Variants in ARHGEF9 observed in about 807,000 individuals in gnomAD.
ARHGEF9 encodes the protein rho guanine nucleotide exchange factor 9.
Under a neutral mutation model 41.3 loss-of-function variants are expected in ARHGEF9, and 2 were observed. That is an observed-to-expected ratio of 0.05 (90% CI 0.02 to 0.15). The LOEUF (loss-of-function observed/expected upper bound fraction) is 0.15, where lower values mean the gene tolerates loss of function less well. ARHGEF9 is among the 10% of genes least tolerant of loss of function. The pLI, the probability that ARHGEF9 is intolerant of heterozygous loss-of-function variation, is 1.00. For missense variants in ARHGEF9, 225 were observed against 424.7 expected (o/e 0.53, Z 4.13); for synonymous variants, 160 against 154.4 (o/e 1.04, Z -0.27).
At chrX:63,770,837 A>G (rs1490961338) in intron 1 of ARHGEF9, among the ~76,000 whole-genome samples, 1 of 112,236 alleles carries the variant, frequency 8.9e-6, no homozygotes, top group African/African-American at 3.2e-5. Context: ...ATACAATGTA[A>G]CTTGCTCCTC....
intron 1 of ARHGEF9, among the ~76,000 whole-genome samples, chrX:63,743,872 G>A (rs144711662): frequency 0.01 from 1,138 of 111,936 alleles, 9 homozygotes; most frequent in African/African-American, 0.035. Context: ...GACTGCATGG[G>A]AAATGGAGCT....
chrX:63,753,374 T>G (rs1219787258), intron 1 of ARHGEF9, among the ~76,000 whole-genome samples: 1 of 111,831 alleles, frequency 8.9e-6, no homozygotes, highest in Non-Finnish European at 1.9e-5. Flanking sequence ...GATCTTAAAG[T>G]AACAAACGGG....
In ARHGEF9 at chrX:63,733,336, G is replaced by T. The variant is rs185059552; in HGVS notation, c.31-8625C>A. 1.7e-3 allele frequency among the ~76,000 whole-genome samples: 187 copies of T among 112,002 alleles called. 2 individuals carry two copies. The highest frequency in any genetic ancestry group is 5.8e-3 in the African/African-American group (180 of 30,837). On this transcript the variant is annotated intron_variant, in intron 1 of 9. Coordinates refer to ENST00000671741, the MANE Select transcript of ARHGEF9 (RefSeq NM_001353921.2). ...GGATTTATTGCTAGGTGGCTTCTAT[G>T]GCAGGCCAGTTTTTGCTAAAGATCT... is the stretch of plus-strand genomic sequence containing the variant.
At chrX:63,656,351 C>T (rs2048875654) in intron 7 of ARHGEF9, among the ~76,000 whole-genome samples, 1 of 111,944 alleles carries the variant, frequency 8.9e-6, no homozygotes, top group Admixed American at 9.5e-5. Flanking sequence ...TGGAGAAAAA[C>T]AGAAGTTGTA....
At chrX:63,778,428 C>T (rs1207930825) in intron 1 of ARHGEF9, among the ~76,000 whole-genome samples, 1 of 112,279 alleles carries the variant, frequency 8.9e-6, no homozygotes, top group Non-Finnish European at 1.9e-5. Flanking sequence ...CTGGGAAGAC[C>T]TCTGACATGC....
At chrX:63,646,267 C>T (rs1179872175) in intron 8 of ARHGEF9, among the ~76,000 whole-genome samples, 3 of 111,976 alleles carry the variant, frequency 2.7e-5, no homozygotes, top group Non-Finnish European at 5.6e-5. Flanking sequence ...GCTTTTGTTG[C>T]CATTGCTTTT....
chrX:63,773,257 G>T (rs1299709820), intron 1 of ARHGEF9, among the ~76,000 whole-genome samples: 1 of 112,214 alleles, frequency 8.9e-6, no homozygotes, highest in African/African-American at 3.2e-5. Flanking sequence ...GGACTGTTTG[G>T]TGTTTTCTCA....
chrX:63,744,662 T>C (rs1256609216), intron 1 of ARHGEF9, among the ~76,000 whole-genome samples: 3 of 111,597 alleles, frequency 2.7e-5, no homozygotes, highest in Non-Finnish European at 5.7e-5. Context: ...AGTGAGACGA[T>C]GTACAAAATC....
chrX:63,654,581 A>G (rs2048764730), intron 8 of ARHGEF9, among the ~76,000 whole-genome samples: 1 of 111,670 alleles, frequency 9.0e-6, no homozygotes, highest in Non-Finnish European at 1.9e-5. Context: ...ATCCTTTCTT[A>G]CCTCTGGATA....
At chrX:63,774,085 C>G (rs2056249606) in intron 1 of ARHGEF9, among the ~76,000 whole-genome samples, 1 of 109,018 alleles carries the variant, frequency 9.2e-6, no homozygotes, top group East Asian at 2.9e-4. Context: ...ATCTATCTAT[C>G]TATCTATCTA....
chrX:63,666,097 G>T (rs2049524437), intron 6 of ARHGEF9, 80 bp from the exon 7 acceptor site: 1 of 1,158,746 alleles, frequency 8.6e-7, no homozygotes, highest in African/African-American at 1.8e-5. Flanking sequence ...CCAAGGCTGG[G>T]CATAGACTGG....
At chrX:63,676,326 A>C (rs1556362197) in intron 5 of ARHGEF9, among the ~76,000 whole-genome samples, 1 of 112,332 alleles carries the variant, frequency 8.9e-6, no homozygotes, top group African/African-American at 3.2e-5. Context: ...AGCTATTATC[A>C]GTTTTTCTTC....
At chrX:63,640,019 T>C (rs1419139366) in intron 9 of ARHGEF9, 1 of 111,783 alleles carries the variant, frequency 8.9e-6, no homozygotes, top group Non-Finnish European at 1.9e-5. Context: ...TACAGTTTGA[T>C]AGATGGAATA....
rs1556296131 is a variant in ARHGEF9 at position 63,635,408 on chromosome X, G to T, written c.*2620C>A. ...GCCTCACTGAGTTGAGGAAAAGGGAGCTCAGGGCCATGCGGAAATTACAAC... is the reference window on the plus strand; with the variant it reads ...GCCTCACTGAGTTGAGGAAAAGGGATCTCAGGGCCATGCGGAAATTACAAC... On this transcript the variant is annotated 3_prime_UTR_variant, in exon 10 of 10. Coordinates refer to ENST00000671741, the MANE Select transcript of ARHGEF9 (RefSeq NM_001353921.2). 1.9e-6 allele frequency: 1 copy of T among 522,013 alleles called. No homozygotes were observed. Among genetic ancestry groups the T allele is most frequent in the Admixed American group, 2.7e-5 (1 of 36,911 alleles). 43.0% of individuals were successfully genotyped at this position (522,013 alleles called of 1,213,427 possible).
chrX:63,694,001 G>T (rs1487851137), intron 4 of ARHGEF9, among the ~76,000 whole-genome samples: 18 of 110,498 alleles, frequency 1.6e-4, no homozygotes, highest in Non-Finnish European at 3.2e-4. Flanking sequence ...TGGCCAACAT[G>T]GTGAAACCCC....
At chrX:63,748,726 C>T (rs1556437052) in intron 1 of ARHGEF9, among the ~76,000 whole-genome samples, 1 of 111,870 alleles carries the variant, frequency 8.9e-6, no homozygotes, top group African/African-American at 3.3e-5. Context: ...AAATCAGAAT[C>T]TTTCAGATAG....
chrX:63,652,581 A>C (rs1556330576), intron 8 of ARHGEF9, among the ~76,000 whole-genome samples: 1 of 111,352 alleles, frequency 9.0e-6, no homozygotes, highest in Non-Finnish European at 1.9e-5. Context: ...CCAAGAGATG[A>C]CTGTGGTTAT....
chrX:63,664,678 G>T (rs2049412583), intron 7 of ARHGEF9, among the ~76,000 whole-genome samples: 1 of 112,116 alleles, frequency 8.9e-6, no homozygotes, highest in African/African-American at 3.2e-5. Context: ...TCTGTTTGAG[G>T]GTTAGCTCCA....
chrX:63,701,127 G>A (rs1410464732), intron 3 of ARHGEF9, among the ~76,000 whole-genome samples: 1 of 111,458 alleles, frequency 9.0e-6, no homozygotes, highest in Non-Finnish European at 1.9e-5. Flanking sequence ...TAGAAGTAAT[G>A]CCTTGATATG....
Sources: gnomAD v4.1 joint callset for allele counts (sites outside exome capture counted in the v4.1 genomes callset) on GRCh38, gnomAD v4.1.1 for gene constraint, MANE v1.5 for transcripts, NCBI Gene and HGNC (gene_info 2026-07-23, HGNC 2026-07-21) for gene names.